Variants in TACR1 observed in about 807,000 individuals in gnomAD.
TACR1 encodes the protein tachykinin receptor 1.
A neutral mutation model predicts 35.8 loss-of-function variants in TACR1; 25 were observed. The observed-to-expected ratio is 0.70, with a 90% CI of 0.51 to 0.98. TACR1 has a LOEUF of 0.98. Ranked by LOEUF, TACR1 falls within the 50% of genes least tolerant of loss-of-function variation. The pLI is 0.00. For missense variants in TACR1, 478 were observed against 522.9 expected, an observed-to-expected ratio of 0.91 and a Z score of 0.84; for synonymous variants, 195 against 206.7, an observed-to-expected ratio of 0.94 and a Z score of 0.48.
chr2:75,153,895 A>G (rs753142935), intron 1 of TACR1, among the ~76,000 whole-genome samples: 3 of 151,950 alleles, frequency 2.0e-5, no homozygotes, highest in Non-Finnish European at 4.4e-5. Flanking sequence ...GATTCATTAA[A>G]TTTTTTTTCC....
At chr2:75,155,363 C>CTCTCT (rs1362059382) in intron 1 of TACR1, among the ~76,000 whole-genome samples, 20 of 152,160 alleles carry the variant, frequency 1.3e-4, no homozygotes, top group Non-Finnish European at 2.8e-4. Context: ...ATCTTTCTGC[C>CTCTCT]TCTCTTCTCC....
rs1166779798 is a variant in TACR1 at position 75,154,410 on chromosome 2, G to GCGTGCGCGCGCGCGCGCGCGCGCGCA, written c.390-33643_390-33642insTGCGCGCGCGCGCGCGCGCGCGCACG. 44 of 75,414 alleles carry GCGTGCGCGCGCGCGCGCGCGCGCGCA rather than the reference G, an allele frequency of 5.8e-4. 4 individuals are homozygous for GCGTGCGCGCGCGCGCGCGCGCGCGCA. The highest frequency in any genetic ancestry group is 2.1e-3 in the African/African-American group (42 of 20,470). 4.7% of individuals were successfully genotyped at this position (75,414 alleles called of 1,614,324 possible). ...GAGATAATCAGCCAAGAGCGCGCAC[G>GCGTGCGCGCGCGCGCGCGCGCGCGCA]CACACACACACACACACACACACAC... is the stretch of plus-strand genomic sequence containing the variant. On this transcript the variant is annotated intron_variant, in intron 1 of 4. Coordinates refer to ENST00000305249, the MANE Select transcript of TACR1 (RefSeq NM_001058.4).
At chr2:75,143,438 G>A (rs1454676601) in intron 1 of TACR1, among the ~76,000 whole-genome samples, 1 of 152,148 alleles carries the variant, frequency 6.6e-6, no homozygotes, top group African/African-American at 2.4e-5. Flanking sequence ...ATCAGGGAAG[G>A]ATGCCTTCTT....
intron 2 of TACR1, among the ~76,000 whole-genome samples, chr2:75,113,403 T>C (rs573107556): frequency 6.6e-6 from 1 of 152,306 alleles, no homozygotes; most frequent in Non-Finnish European, 1.5e-5. Flanking sequence ...CATAAAGCAC[T>C]TGGTGGCTGC....
chr2:75,136,277 G>A (rs1353390291), intron 1 of TACR1, among the ~76,000 whole-genome samples: 2 of 152,106 alleles, frequency 1.3e-5, no homozygotes, highest in Admixed American at 1.3e-4. Context: ...AAGTCCAAGG[G>A]GCTTGACCCT....
At chr2:75,136,471 G>A (rs1004664981) in intron 1 of TACR1, among the ~76,000 whole-genome samples, 2 of 152,180 alleles carry the variant, frequency 1.3e-5, no homozygotes, top group Admixed American at 6.5e-5. Context: ...TCTTCATTGA[G>A]TCTTAGTTTT....
intron 1 of TACR1, among the ~76,000 whole-genome samples, chr2:75,153,142 C>A (rs1674711670): frequency 6.6e-6 from 1 of 152,204 alleles, no homozygotes; most frequent in Admixed American, 6.5e-5. Flanking sequence ...ACTTTGTGAT[C>A]TGCCCACCTT....
At chr2:75,127,680 G>T (rs1431183763) in intron 1 of TACR1, among the ~76,000 whole-genome samples, 1 of 152,160 alleles carries the variant, frequency 6.6e-6, no homozygotes, top group South Asian at 2.1e-4. Context: ...GACCCATATT[G>T]TTCAAAGAAG....
At chr2:75,181,040 T>A (rs1322225958) in intron 1 of TACR1, among the ~76,000 whole-genome samples, 1 of 152,222 alleles carries the variant, frequency 6.6e-6, no homozygotes, top group Non-Finnish European at 1.5e-5. Flanking sequence ...TTCCACATTC[T>A]CATTTCTAAC....
At chr2:75,104,066 C>T (rs1673594298) in intron 2 of TACR1, among the ~76,000 whole-genome samples, 1 of 151,962 alleles carries the variant, frequency 6.6e-6, no homozygotes, top group Non-Finnish European at 1.5e-5. Flanking sequence ...CCATAATTAC[C>T]TTGAAAACAG....
intron 1 of TACR1, among the ~76,000 whole-genome samples, chr2:75,147,171 G>A (rs1674531885): frequency 6.6e-6 from 1 of 152,204 alleles, no homozygotes; most frequent in Non-Finnish European, 1.5e-5. Flanking sequence ...TAAACACCAT[G>A]TTCCTTCCCA....
chr2:75,185,826 A>C (rs188319359), intron 1 of TACR1, among the ~76,000 whole-genome samples: 1 of 152,288 alleles, frequency 6.6e-6, no homozygotes, highest in East Asian at 1.9e-4. Flanking sequence ...TTCTTCTAAG[A>C]ATTTATCCTA....
intron 1 of TACR1, among the ~76,000 whole-genome samples, chr2:75,157,679 C>T (rs2103984199): frequency 6.6e-6 from 1 of 152,082 alleles, no homozygotes; most frequent in African/African-American, 2.4e-5. Context: ...AACTGTTCCT[C>T]TATAAAAAAG....
chr2:75,050,939 A>T (rs1206844873), intron 4 of TACR1: 1 of 388,084 alleles, frequency 2.6e-6, no homozygotes, highest in Non-Finnish European at 4.9e-6. Context: ...GACCTGCCTT[A>T]CATGCATTAA....
intron 1 of TACR1, among the ~76,000 whole-genome samples, chr2:75,182,306 G>C (rs192754865): frequency 2.1e-4 from 32 of 152,310 alleles, no homozygotes; most frequent in Non-Finnish European, 4.0e-4. Context: ...TGCAAGGAAG[G>C]CTGGGATGTG....
chr2:75,140,955 T>C (rs957957220), intron 1 of TACR1, among the ~76,000 whole-genome samples: 2 of 152,180 alleles, frequency 1.3e-5, no homozygotes, highest in Non-Finnish European at 2.9e-5. Context: ...ATGGGTCCCA[T>C]TGTGACTAGT....
rs562727173 is a variant in TACR1, at chr2:75,080,123, G to T, written c.585-26368C>A. 7.1e-4 allele frequency among the ~76,000 whole-genome samples: 108 copies of T among 152,296 alleles called. 1 individual carries two copies. The highest frequency in any genetic ancestry group is 6.8e-3 in the Middle Eastern group (2 of 294). ...GATTGAGATAAGGTTAATTGTTACT[G>T]AAATTAGAAATCTAAATGCAACTAG... On this transcript the variant is annotated intron_variant, in intron 2 of 4. Coordinates refer to ENST00000305249, the MANE Select transcript of TACR1 (RefSeq NM_001058.4).
intron 1 of TACR1, among the ~76,000 whole-genome samples, chr2:75,168,474 G>T (rs1280660067): frequency 2.0e-5 from 3 of 152,188 alleles, no homozygotes; most frequent in African/African-American, 7.2e-5. Flanking sequence ...AAGATGCTGT[G>T]TTACTGGCTT....
At position 75,185,913 on chromosome 2, in the gene TACR1, C is replaced by T. The variant is rs377322358; in HGVS notation, c.389+12633G>A. ...ATGTTGTAGCAAAATCTCAAAACAC[C>T]CCCCAGGGTTTAAGCATGAGGGATT... On this transcript the variant is annotated intron_variant, in intron 1 of 4. Transcript: ENST00000305249. 1.7e-4 allele frequency among the ~76,000 whole-genome samples: 26 copies of T among 152,132 alleles called. 1 individual carries two copies. The East Asian group carries it at 4.8e-3, about 28-fold the overall frequency.
Sources: allele counts gnomAD v4.1 joint callset (sites outside exome capture counted in the v4.1 genomes callset), GRCh38; gene constraint gnomAD v4.1.1; transcripts MANE v1.5; gene names NCBI Gene and HGNC (gene_info 2026-07-23, HGNC 2026-07-21).